Variants in INPP4B observed in about 807,000 individuals in gnomAD.
The protein encoded by INPP4B is inositol polyphosphate 4-phosphatase type II.
A neutral mutation model predicts 122.5 loss-of-function variants in INPP4B; 55 were observed. The observed-to-expected ratio is 0.45, with a 90% confidence interval of 0.36 to 0.56. The LOEUF is 0.56. Among genes scored for constraint, INPP4B ranks in the 20% least tolerant of loss-of-function variants. The pLI is 0.00. For missense variants in INPP4B, 1,000 were observed against 1,097.7 expected (o/e 0.91, Z 1.26); for synonymous variants, 403 against 388.7 (o/e 1.04, Z -0.43).
intron 2 of INPP4B, among the ~76,000 whole-genome samples, chr4:142,601,968 C>CAAAA (rs70949178): frequency 6.7e-5 from 5 of 74,880 alleles, no homozygotes; most frequent in South Asian, 5.2e-4. Context: ...GACTCCATCT[C>CAAAA]AAAAAAAAAA....
intron 2 of INPP4B, among the ~76,000 whole-genome samples, chr4:142,495,245 T>C (rs1027122750): frequency 1.3e-5 from 2 of 151,946 alleles, no homozygotes; most frequent in African/African-American, 4.8e-5. Flanking sequence ...GAAAAATTAA[T>C]AAATAGGACA....
intron 2 of INPP4B, among the ~76,000 whole-genome samples, chr4:142,507,096 G>A (rs1466969907): frequency 6.6e-6 from 1 of 152,112 alleles, no homozygotes; most frequent in African/African-American, 2.4e-5. Context: ...CTTTGATAAT[G>A]TCTCCAGATG....
At chr4:142,052,940 T>A (rs972745736) in intron 25 of INPP4B, among the ~76,000 whole-genome samples, 2 of 152,014 alleles carry the variant, frequency 1.3e-5, no homozygotes, top group African/African-American at 2.4e-5. Context: ...AAAGATAAAG[T>A]TCCAGCCTTC....
At chr4:142,485,869 G>A (rs1821135609) in intron 2 of INPP4B, among the ~76,000 whole-genome samples, 1 of 152,140 alleles carries the variant, frequency 6.6e-6, no homozygotes. Context: ...CGATTGGCCA[G>A]TCACCAAATC....
At chr4:142,569,812 C>T (rs1732429263) in intron 2 of INPP4B, among the ~76,000 whole-genome samples, 1 of 152,104 alleles carries the variant, frequency 6.6e-6, no homozygotes, top group South Asian at 2.1e-4. Context: ...AGGATGCTTT[C>T]CTCTTACCAC....
intron 20 of INPP4B, among the ~76,000 whole-genome samples, chr4:142,122,761 A>G (rs1345427448): frequency 6.6e-6 from 1 of 152,158 alleles, no homozygotes; most frequent in Non-Finnish European, 1.5e-5. Context: ...GTGAAATTAA[A>G]AAGGTAGAAT....
chr4:142,175,340 A>T (rs1349553345), intron 15 of INPP4B, among the ~76,000 whole-genome samples: 1 of 151,864 alleles, frequency 6.6e-6, no homozygotes, highest in Admixed American at 6.6e-5. Flanking sequence ...GGGGAAAATT[A>T]TCAGAATCTT....
At chr4:142,375,119 A>G (rs183480475) in intron 7 of INPP4B, among the ~76,000 whole-genome samples, 225 of 151,436 alleles carry the variant, frequency 1.5e-3, no homozygotes, top group Middle Eastern at 0.01. Context: ...TTCAGCACCT[A>G]TTTTCTGAAA....
Position 142,193,095 on chromosome 4 carries a change from T to G in INPP4B, c.1173A>C (p.Glu391Asp), listed in dbSNP as rs140630261. 2 of 1,597,342 alleles carry G rather than the reference T, an allele frequency of 1.3e-6. No homozygotes were observed. The highest frequency in any genetic ancestry group is 4.5e-5 in the East Asian group (2 of 44,772). Reference protein sequence around the residue: ...LRKLLHRFETERRNTGYQFIY... With the variant: ...LRKLLHRFETDRRNTGYQFIY... ...CTCCTGTCTTTACTTACTTTCTTCT[T>G]TCTGTTTCAAATCTATGGAGTAGCT... Residue 391 changes from glutamate (E) to aspartate (D), a missense_variant, in exon 15 of 26, where the codon GAA (glutamate) becomes GAC (aspartate). Transcript: ENST00000262992.
intron 1 of INPP4B, among the ~76,000 whole-genome samples, chr4:142,798,824 A>G (rs1175918785): frequency 6.9e-6 from 1 of 145,030 alleles, no homozygotes; most frequent in Non-Finnish European, 1.5e-5. Context: ...ACAGTATACA[A>G]TGTGTATGTA....
At chr4:142,320,930 T>C (rs886289406) in intron 7 of INPP4B, among the ~76,000 whole-genome samples, 3 of 152,358 alleles carry the variant, frequency 2.0e-5, no homozygotes, top group African/African-American at 4.8e-5. Context: ...ATTATAAACA[T>C]GCATGTGCAA....
chr4:142,817,755 T>C (rs763350422), intron 1 of INPP4B, among the ~76,000 whole-genome samples: 4 of 152,156 alleles, frequency 2.6e-5, no homozygotes, highest in Non-Finnish European at 4.4e-5. Context: ...ATTTCTTGGG[T>C]CTCTTCCATC....
chr4:142,442,020 C>G (rs145177470), intron 3 of INPP4B, among the ~76,000 whole-genome samples: 2 of 151,892 alleles, frequency 1.3e-5, no homozygotes, highest in Non-Finnish European at 2.9e-5. Context: ...GATGCTCTTA[C>G]CAATGGCTTT....
intron 7 of INPP4B, among the ~76,000 whole-genome samples, chr4:142,380,635 ATAAG>A (rs1482507682): frequency 2.6e-5 from 4 of 152,142 alleles, no homozygotes; most frequent in African/African-American, 9.7e-5. Flanking sequence ...GGCTATTAAC[ATAAG>A]TGTTTTATTA....
intron 2 of INPP4B, among the ~76,000 whole-genome samples, chr4:142,508,393 C>T (rs1206425896): frequency 6.6e-6 from 1 of 152,138 alleles, no homozygotes; most frequent in Non-Finnish European, 1.5e-5. Context: ...CTGCCTCAGC[C>T]TCCCGAGGTA....
At chr4:142,232,392 A>G (rs551039665) in intron 12 of INPP4B, among the ~76,000 whole-genome samples, 3 of 152,160 alleles carry the variant, frequency 2.0e-5, no homozygotes, top group South Asian at 2.1e-4. Context: ...AATGTTTTCA[A>G]TGTTTTCACT....
At chr4:142,741,590 TAA>T (rs1408913581) in intron 1 of INPP4B, among the ~76,000 whole-genome samples, 1 of 151,946 alleles carries the variant, frequency 6.6e-6, no homozygotes, top group Non-Finnish European at 1.5e-5. Context: ...ATTAGAATTT[TAA>T]AAGACTAAAA....
chr4:142,188,240 C>A (rs1272125602), intron 15 of INPP4B, among the ~76,000 whole-genome samples: 2 of 151,712 alleles, frequency 1.3e-5, no homozygotes, highest in Admixed American at 6.6e-5. Flanking sequence ...GTAATCCCAA[C>A]ACTTTGGGAG....
chr4:142,330,328 G>T (rs944593722), intron 7 of INPP4B, among the ~76,000 whole-genome samples: 10 of 152,250 alleles, frequency 6.6e-5, no homozygotes, highest in African/African-American at 2.2e-4. Context: ...TATAATTTTG[G>T]ATATCATTGG....
Sources: allele counts gnomAD v4.1 joint callset (sites outside exome capture counted in the v4.1 genomes callset), GRCh38; gene constraint gnomAD v4.1.1; transcripts MANE v1.5; gene names NCBI Gene and HGNC (gene_info 2026-07-23, HGNC 2026-07-21).